AGAP1: variants seen among roughly 807,000 people sequenced by gnomAD.
The protein encoded by AGAP1 is ArfGAP with GTPase domain, ankyrin repeat and PH domain 1.
AGAP1 carries 29 observed loss-of-function variants against 105.3 expected under a neutral mutation model. The observed-to-expected ratio is 0.28, with a 90% CI of 0.21 to 0.38. The LOEUF (loss-of-function observed/expected upper bound fraction) is 0.38, where lower values mean the gene tolerates loss of function less well. AGAP1 is among the 10% of genes least tolerant of loss of function. The probability of loss-of-function intolerance (pLI) is 1.00; values close to 1 mark genes in which losing one functional copy is unlikely to be tolerated. For missense variants in AGAP1, 998 were observed against 1,165.1 expected (o/e 0.86, Z 2.09); for synonymous variants, 509 against 485.9 (o/e 1.05, Z -0.63).
In AGAP1 at chr2:235,845,119, C is replaced by T. The variant is rs1010533829; in HGVS notation, c.1050+37788C>T. Among the ~76,000 whole-genome samples, 6 of 152,146 alleles carry T rather than the reference C, an allele frequency of 3.9e-5. No individual in the cohort carries two copies. Among genetic ancestry groups the T allele is most frequent in the African/African-American group, 1.4e-4 (6 of 41,428 alleles). On this transcript the variant is annotated intron_variant, in intron 9 of 17. Coordinates refer to ENST00000304032, the MANE Select transcript of AGAP1 (RefSeq NM_001037131.3). This position sits in a 1 kb window ranked among gnomAD's most constrained non-coding sequence, Gnocchi z 4.8. ...CAAGTCCTGTGTCATCCTGTTTAGC[C>T]GTTCGCTCAAACAGAGAACTGTAGA...
rs898517915 is a variant in AGAP1 at position 235,965,701 on chromosome 2, G to T, written c.1484-2761G>T. On this transcript the variant is annotated intron_variant, in intron 12 of 17. Transcript: ENST00000304032. The surrounding 1 kb of genome is among the most constrained non-coding windows in gnomAD (Gnocchi z 5.8). Reference sequence around the variant, plus strand: ...GAAGGTAGAGCCTGGAATAGCCCCTGTTGGGTAGTAACTTTGGATGAGTGT... The same window carrying T: ...GAAGGTAGAGCCTGGAATAGCCCCTTTTGGGTAGTAACTTTGGATGAGTGT... 6.6e-6 allele frequency among the ~76,000 whole-genome samples: 1 copy of T among 152,188 alleles called. No individual in the cohort carries two copies. The highest frequency in any genetic ancestry group is 6.5e-5 in the Admixed American group (1 of 15,292).
intron 9 of AGAP1, among the ~76,000 whole-genome samples, chr2:235,828,474 G>A (rs1430483108): frequency 2.0e-5 from 3 of 152,166 alleles, no homozygotes; most frequent in African/African-American, 7.2e-5. Flanking sequence ...CCTGGGAGTG[G>A]TAAACTAACA....
At chr2:235,628,295 T>C (rs1316623638) in intron 1 of AGAP1, among the ~76,000 whole-genome samples, 1 of 152,012 alleles carries the variant, frequency 6.6e-6, no homozygotes, top group African/African-American at 2.4e-5. Context: ...GCTGCTCCAC[T>C]TGGTGGAGGA....
intron 9 of AGAP1, among the ~76,000 whole-genome samples, chr2:235,871,352 G>A (rs1457622570): frequency 6.6e-6 from 1 of 152,206 alleles, no homozygotes; most frequent in African/African-American, 2.4e-5. Context: ...CATCTGGCAT[G>A]GCAATCTGGT....
Position 236,123,161 on chromosome 2 carries a change from C to T in AGAP1, c.2371-758C>T, listed in dbSNP as rs2059940857. 6.6e-6 allele frequency among the ~76,000 whole-genome samples: 1 copy of T among 152,134 alleles called. No homozygotes were observed. The highest frequency in any genetic ancestry group is 1.5e-5 in the Non-Finnish European group (1 of 68,022). On this transcript the variant is annotated intron_variant, in intron 17 of 17. Coordinates refer to ENST00000304032, the MANE Select transcript of AGAP1 (RefSeq NM_001037131.3). This position sits in a 1 kb window ranked among gnomAD's most constrained non-coding sequence, Gnocchi z 4.6. The stretch of plus-strand genomic sequence containing the variant: ...TGATGTCGGCCCACGGCAGCCTCTG[C>T]CTCCTAGGCTCAAGCGATCCTCCCA...
chr2:235,639,951 C>T lies in AGAP1; in HGVS notation c.164-69228C>T, dbSNP rs747327828. ...TGCCCATGATGGGGTTAGAGACCCACAGTTGCTCAAAAGCAGTTTTTGTTT... is the reference window on the plus strand; with the variant it reads ...TGCCCATGATGGGGTTAGAGACCCATAGTTGCTCAAAAGCAGTTTTTGTTT... On this transcript the variant is annotated intron_variant, in intron 1 of 17. Coordinates refer to ENST00000304032, the MANE Select transcript of AGAP1 (RefSeq NM_001037131.3). This position sits in a 1 kb window ranked among gnomAD's most constrained non-coding sequence, Gnocchi z 5.3. Among the ~76,000 whole-genome samples, 3 of 152,220 alleles carry T rather than the reference C, an allele frequency of 2.0e-5. No homozygotes were observed. Among genetic ancestry groups the T allele is most frequent in the Non-Finnish European group, 2.9e-5 (2 of 68,050 alleles).
At chr2:235,929,520 A>T (rs921347163) in intron 11 of AGAP1, among the ~76,000 whole-genome samples, 2 of 152,066 alleles carry the variant, frequency 1.3e-5, no homozygotes, top group Non-Finnish European at 2.9e-5. Flanking sequence ...TTTTTAAGGC[A>T]GAACTCTATT....
chr2:236,010,021 T>G (rs1559187795), intron 13 of AGAP1, among the ~76,000 whole-genome samples: 1 of 152,064 alleles, frequency 6.6e-6, no homozygotes, highest in African/African-American at 2.4e-5. Context: ...ATTTTTATTC[T>G]GCTTACAAAG....
intron 5 of AGAP1, among the ~76,000 whole-genome samples, chr2:235,748,432 A>G (rs550717029): frequency 7.2e-5 from 11 of 152,128 alleles, no homozygotes; most frequent in Non-Finnish European, 1.2e-4. Flanking sequence ...TAAAAAAAAA[A>G]CTTTCTTTTC....
intron 1 of AGAP1, among the ~76,000 whole-genome samples, chr2:235,650,285 T>G (rs1159415703): frequency 6.6e-6 from 1 of 152,132 alleles, no homozygotes; most frequent in Non-Finnish European, 1.5e-5. Context: ...TCACTTGAAC[T>G]CGGGAGGTGG....
chr2:235,649,022 G>A (rs1425979938), intron 1 of AGAP1, among the ~76,000 whole-genome samples: 1 of 152,174 alleles, frequency 6.6e-6, no homozygotes, highest in African/African-American at 2.4e-5. Flanking sequence ...ACAGGGTTTA[G>A]CCTGAGAATG....
At chr2:235,677,715 T>G (rs552508017) in intron 1 of AGAP1, among the ~76,000 whole-genome samples, 1 of 151,938 alleles carries the variant, frequency 6.6e-6, no homozygotes, top group South Asian at 2.1e-4. Context: ...AGGGTTTCTT[T>G]GAGCCGGTCT....
chr2:236,115,665 C>T (rs2059753132), intron 16 of AGAP1, among the ~76,000 whole-genome samples: 1 of 152,212 alleles, frequency 6.6e-6, no homozygotes, highest in African/African-American at 2.4e-5. Flanking sequence ...AGTGAAATTT[C>T]AGCTGCTAAC....
rs563837951 is a variant in AGAP1 at position 235,941,060 on chromosome 2, T to C, written c.1483+10137T>C. On this transcript the variant is annotated intron_variant, in intron 12 of 17. Transcript: ENST00000304032. ...TCTTCTGAATTTTTAAGTATCTTAA[T>C]GCTTTGCATATTGCTTTAGAAACTG... 2.6e-5 allele frequency among the ~76,000 whole-genome samples: 4 copies of C among 152,360 alleles called. No individual in the cohort carries two copies. In the South Asian group the frequency reaches 8.3e-4, roughly 32 times the overall value.
At position 236,040,891 on chromosome 2, in the gene AGAP1, A is replaced by G; in HGVS notation, c.1891+50A>G. 6.3e-7 allele frequency: 1 copy of G among 1,591,700 alleles called. No homozygotes were observed. Among genetic ancestry groups the G allele is most frequent in the Non-Finnish European group, 8.6e-7 (1 of 1,160,404 alleles). ...GGCTGGCGCTGTGTAGCTGGAGACC[A>G]CATGGTCCCACTAGGCCCGGGTTGC... is the stretch of plus-strand genomic sequence containing the variant. On this transcript the variant is annotated intron_variant, in intron 15 of 17. Transcript: ENST00000304032. The surrounding 1 kb of genome is among the most constrained non-coding windows in gnomAD (Gnocchi z 5.6).
chr2:235,507,594 G>C (rs1438854194), intron 1 of AGAP1: 1 of 152,190 alleles, frequency 6.6e-6, no homozygotes, highest in Non-Finnish European at 1.5e-5. Context: ...TGTCTCTGCA[G>C]GACGCCGTGT....
intron 9 of AGAP1, among the ~76,000 whole-genome samples, chr2:235,862,188 G>A (rs556300582): frequency 1.3e-5 from 2 of 151,400 alleles, no homozygotes; most frequent in African/African-American, 2.5e-5. Flanking sequence ...CGTGCAGCCC[G>A]GGACCATGAC....
rs1226270850 is a variant in AGAP1, at chr2:235,665,560, T to C, written c.164-43619T>C. On this transcript the variant is annotated intron_variant, in intron 1 of 17. Coordinates refer to ENST00000304032, the MANE Select transcript of AGAP1 (RefSeq NM_001037131.3). The surrounding 1 kb of genome is among the most constrained non-coding windows in gnomAD (Gnocchi z 5.3). The stretch of plus-strand genomic sequence containing the variant: ...GCAAATCTTAGCTTAGAAACCATTC[T>C]ACCATGACATTCTCAGATGAGAATT... 3.3e-5 allele frequency among the ~76,000 whole-genome samples: 5 copies of C among 152,262 alleles called. No homozygotes were observed. Among genetic ancestry groups the C allele is most frequent in the African/African-American group, 1.2e-4 (5 of 41,474 alleles).
intron 1 of AGAP1, among the ~76,000 whole-genome samples, chr2:235,630,040 A>G (rs919074422): frequency 2.0e-5 from 3 of 151,646 alleles, no homozygotes; most frequent in African/African-American, 4.8e-5. Flanking sequence ...ATTACATTTA[A>G]TTTTTTTTTC....
Sources: gnomAD v4.1 joint callset for allele counts (sites outside exome capture counted in the v4.1 genomes callset) on GRCh38, gnomAD v4.1.1 for gene constraint, Gnocchi (gnomAD v3.1) non-coding constraint, MANE v1.5 for transcripts, NCBI Gene and HGNC (gene_info 2026-07-23, HGNC 2026-07-21) for gene names.